Variants in FER1L5 observed in about 807,000 individuals in gnomAD.
FER1L5 encodes fer-1-like protein 5.
A neutral mutation model predicts 279.9 loss-of-function variants in FER1L5; 187 were observed. That is an observed-to-expected ratio of 0.67 (90% confidence interval 0.59 to 0.75). The LOEUF (loss-of-function observed/expected upper bound fraction) is 0.75. Ranked by LOEUF, FER1L5 falls within the 30% of genes least tolerant of loss-of-function variation. The pLI is 0.00. For synonymous variants in FER1L5, 921 were observed against 989.7 expected (o/e 0.93, Z 1.30); for missense variants, 2,091 against 2,594.4 (o/e 0.81, Z 4.21).
At position 96,686,009 on chromosome 2, in the gene FER1L5, C is replaced by T; in HGVS notation, c.1965C>T (p.Arg655=). ...TGGACAGGAAGAGGTGGCAGCTCCGCAGCCTCCTCCTGCAGGAACTGGCCC... is the reference window on the plus strand; with the variant it reads ...TGGACAGGAAGAGGTGGCAGCTCCGTAGCCTCCTCCTGCAGGAACTGGCCC... The part of the protein sequence containing the change: ...TSLDRKRWQL[R]SLLLQELAQK... The change falls in exon 22 of 53, where the codon CGC becomes CGT. Residue 655 remains arginine, a synonymous_variant. Coordinates refer to ENST00000624922, the MANE Select transcript of FER1L5 (RefSeq NM_001293083.2). 1.3e-6 allele frequency: 2 copies of T among 1,551,492 alleles called. No individual in the cohort carries two copies. The highest frequency in any genetic ancestry group is 1.7e-6 in the Non-Finnish European group (2 of 1,146,972).
chr2:96,685,809 G>A (rs1306047901), intron 21 of FER1L5, 131 bp from the exon 22 acceptor site: 2 of 1,187,760 alleles, frequency 1.7e-6, no homozygotes, highest in Non-Finnish European at 2.3e-6. Context: ...AGGGCTCCTG[G>A]GCCAGGCTAG....
chr2:96,674,818 A>C (rs2106598126), intron 19 of FER1L5, among the ~76,000 whole-genome samples: 1 of 152,060 alleles, frequency 6.6e-6, no homozygotes, highest in East Asian at 1.9e-4. Context: ...TTAACCAAAA[A>C]CTAAAAAAAA....
Position 96,698,740 on chromosome 2 carries a change from TGG to T in FER1L5, c.4427_4428del (p.Trp1476SerfsTer32). The T allele has an allele frequency of 6.3e-7, 1 of 1,577,496 alleles. No individual in the cohort carries two copies. ...APKPPLQFLV[W>X]PEREDFPQPC... ...AAAGCCCCCGCTGCAGTTCTTGGTT[TGG>T]CCAGAGAGAGAGGACTTCCCCCAGC... On this transcript the variant is annotated frameshift_variant, in exon 41 of 53. Coordinates refer to ENST00000624922, the MANE Select transcript of FER1L5 (RefSeq NM_001293083.2). LOFTEE classifies it high-confidence loss of function. This position sits in a 1 kb window ranked among gnomAD's most constrained non-coding sequence, Gnocchi z 5.5.
intron 31 of FER1L5, among the ~76,000 whole-genome samples, chr2:96,692,832 A>T (rs753742840): frequency 8.5e-5 from 13 of 152,078 alleles, no homozygotes; most frequent in Non-Finnish European, 1.5e-5. Flanking sequence ...ACCCACATCG[A>T]GAGGCCCATG....
rs1298101351 is a variant in FER1L5 at position 96,691,159 on chromosome 2, G to A, written c.2744-31G>A. ...GGCCTCCCAACCTGCGGGCACCTGA[G>A]GACTCAGAGGCCATGGTCCACCCAC... On this transcript the variant is annotated intron_variant, in intron 27 of 52. Transcript: ENST00000624922. This position sits in a 1 kb window ranked among gnomAD's most constrained non-coding sequence, Gnocchi z 6.0. 1.3e-6 allele frequency: 2 copies of A among 1,527,284 alleles called. No homozygotes were observed. The highest frequency in any genetic ancestry group is 1.2e-5 in the South Asian group (1 of 81,636). The allele number at this position is 1,527,284 out of a possible 1,614,324, so 94.6% of individuals were successfully genotyped here.
rs1573951865 is a variant in FER1L5 at position 96,694,603 on chromosome 2, A to G, written c.3741+139A>G. The stretch of plus-strand genomic sequence containing the variant: ...AAAAGACTACCTGGGAGGTGGAGGG[A>G]GACAGGAGAGAAACGAAGAGGTTCT... On this transcript the variant is annotated intron_variant, in intron 34 of 52. Coordinates refer to ENST00000624922, the MANE Select transcript of FER1L5 (RefSeq NM_001293083.2). This position sits in a 1 kb window ranked among gnomAD's most constrained non-coding sequence, Gnocchi z 4.6. The G allele has an allele frequency of 1.6e-6, 1 of 613,298 alleles. No individual in the cohort carries two copies. Among genetic ancestry groups the G allele is most frequent in the East Asian group, 3.0e-5 (1 of 32,790 alleles). 38.0% of individuals were successfully genotyped at this position (613,298 alleles called of 1,614,324 possible). A position where few individuals can be genotyped will look rare whatever the true frequency, so the allele number is the denominator to read the frequency against.
At chr2:96,669,490 G>C (rs766268381) in intron 17 of FER1L5, among the ~76,000 whole-genome samples, 1 of 152,128 alleles carries the variant, frequency 6.6e-6, no homozygotes, top group Admixed American at 6.5e-5. Flanking sequence ...AACCCGACTC[G>C]AACAGGCTTA....
At chr2:96,643,054 C>T in intron 1 of FER1L5, 133 bp downstream of exon 1, 1 of 705,270 alleles carries the variant, frequency 1.4e-6, no homozygotes. Flanking sequence ...TAGACGTTGT[C>T]CAGCTCTCTC....
chr2:96,698,794 C>T lies in FER1L5; in HGVS notation c.4480C>T (p.Arg1494Ter), dbSNP rs748260595. The change falls in exon 41 of 53, where the codon CGA (arginine) becomes TGA (stop). Residue 1494 changes from arginine to a stop codon, truncating the protein, a stop_gained. Transcript: ENST00000624922. LOFTEE classifies it high-confidence loss of function. This position sits in a 1 kb window ranked among gnomAD's most constrained non-coding sequence, Gnocchi z 5.5. ...GTGCTTGGTGCGGGTGTACATGGTACGAGCCATCAACCTGCAGCCCCAGGA... is the reference window on the plus strand; with the variant it reads ...GTGCTTGGTGCGGGTGTACATGGTATGAGCCATCAACCTGCAGCCCCAGGA... ...QPCLVRVYMVRAINLQPQDYN... is the reference protein window; with the variant it reads ...QPCLVRVYMV The T allele has an allele frequency of 2.6e-6, 4 of 1,565,600 alleles. No homozygotes were observed. The highest frequency in any genetic ancestry group is 1.9e-5 in the Admixed American group (1 of 52,986).
chr2:96,691,423 C>A lies in FER1L5; in HGVS notation c.2908-22C>A. ...GCCTTGGCTGCTGCAGGAACACAAC[C>A]CTGCTCTCCTCCCCACCACAGGGCC... On this transcript the variant is annotated intron_variant, in intron 28 of 52. Coordinates refer to ENST00000624922, the MANE Select transcript of FER1L5 (RefSeq NM_001293083.2). This position sits in a 1 kb window ranked among gnomAD's most constrained non-coding sequence, Gnocchi z 6.0. The A allele has an allele frequency of 6.5e-7, 1 of 1,535,618 alleles. No homozygotes were observed. The highest frequency in any genetic ancestry group is 1.2e-5 in the South Asian group (1 of 82,426).
rs553967428 is a variant in FER1L5, at chr2:96,702,885, T to C, written c.5398-93T>C. 1 of 1,531,080 alleles carries C rather than the reference T, an allele frequency of 6.5e-7. No individual in the cohort carries two copies. Among genetic ancestry groups the C allele is most frequent in the South Asian group, 1.2e-5 (1 of 83,648 alleles). 94.8% of individuals were successfully genotyped at this position (1,531,080 alleles called of 1,614,324 possible). Reference sequence around the variant, plus strand: ...CTCAGGTGGAAACCCTCTTCCTTGATAGTCTATCACTGCTGGGTGGAGGGC... The same window carrying C: ...CTCAGGTGGAAACCCTCTTCCTTGACAGTCTATCACTGCTGGGTGGAGGGC... On this transcript the variant is annotated intron_variant, in intron 48 of 52. Coordinates refer to ENST00000624922, the MANE Select transcript of FER1L5 (RefSeq NM_001293083.2). This position sits in a 1 kb window ranked among gnomAD's most constrained non-coding sequence, Gnocchi z 4.0.
At chr2:96,696,746 C>CA (rs375363146) in intron 37 of FER1L5, among the ~76,000 whole-genome samples, 19 of 151,134 alleles carry the variant, frequency 1.3e-4, no homozygotes, top group East Asian at 3.9e-4. Flanking sequence ...ACTAAAAATA[C>CA]AAAAAAAAAT....
Position 96,659,358 on chromosome 2 carries a change from C to CTTTCT in FER1L5, c.748-981_748-980insTCTTT, listed in dbSNP as rs1558853573. ...CCTTCCTTCCTTCCTTCCTTCCTTC[C>CTTTCT]TTCCTTCTTTCTTTCTTTCTTTCTT... is the stretch of plus-strand genomic sequence containing the variant. On this transcript the variant is annotated intron_variant, in intron 9 of 52. Coordinates refer to ENST00000624922, the MANE Select transcript of FER1L5 (RefSeq NM_001293083.2). Among the ~76,000 whole-genome samples the CTTTCT allele has an allele frequency of 4.9e-5, 3 of 60,606 alleles. No homozygotes were observed. In the East Asian group the frequency reaches 2.2e-3, roughly 45 times the overall value. The allele number at this position is 60,606 out of a possible 152,430, so 39.8% of individuals were successfully genotyped here.
intron 19 of FER1L5, among the ~76,000 whole-genome samples, chr2:96,682,665 G>A (rs1025750566): frequency 6.6e-6 from 1 of 152,214 alleles, no homozygotes; most frequent in Non-Finnish European, 1.5e-5. Context: ...ACACTGCCAA[G>A]CAGGGACCAC....
Position 96,692,036 on chromosome 2 carries a change from G to A in FER1L5, c.3215-68G>A, listed in dbSNP as rs963460101. 1.2e-3 allele frequency: 1,813 copies of A among 1,533,770 alleles called. 1 individual carries two copies. The highest frequency in any genetic ancestry group is 1.5e-3 in the Non-Finnish European group (1,713 of 1,133,054). The stretch of plus-strand genomic sequence containing the variant: ...CCCGAGGGCGGGGGGGGGGGACAGG[G>A]TGGGGGCAGTCAGAGGGAGCCGCTG... On this transcript the variant is annotated intron_variant, in intron 30 of 52. Transcript: ENST00000624922.
chr2:96,668,033 G>A (rs530971332), intron 14 of FER1L5, among the ~76,000 whole-genome samples: 4 of 152,086 alleles, frequency 2.6e-5, no homozygotes, highest in Non-Finnish European at 5.9e-5. Context: ...GCTAATTTTT[G>A]TATTTTTTGT....
chr2:96,663,725 T>C (rs1323518999), intron 14 of FER1L5, among the ~76,000 whole-genome samples: 2 of 152,130 alleles, frequency 1.3e-5, no homozygotes, highest in African/African-American at 4.8e-5. Context: ...ATGTCAATGG[T>C]ATGTATGACT....
chr2:96,693,938 G>A lies in FER1L5; in HGVS notation c.3502G>A (p.Val1168Met), dbSNP rs373744329. 217 of 1,551,312 alleles carry A rather than the reference G, an allele frequency of 1.4e-4. No homozygotes were observed. In the East Asian group the frequency reaches 2.2e-3, roughly 16 times the overall value. The change falls in exon 33 of 53, where the codon GTG becomes ATG. Residue 1168 changes from valine (V) to methionine (M), a missense_variant. Val to Met is a conservative substitution (Grantham distance 21, BLOSUM62 1). Transcript: ENST00000624922. ...CAAGGAGAGCTTGTGGGGACGGAGC[G>A]TGTGGCCCCCAATGGTCTGGCTGGA... Reference protein sequence around the residue: ...WGKESLWGRSVWPPMVWLDLQ... With the variant: ...WGKESLWGRSMWPPMVWLDLQ...
chr2:96,700,297 T>C, intron 44 of FER1L5, 35 bp from the exon 45 acceptor site: 2 of 1,608,948 alleles, frequency 1.2e-6, no homozygotes, highest in Non-Finnish European at 1.7e-6. Context: ...GCTAATGACC[T>C]CGCAATCCCC....
Sources: allele counts gnomAD v4.1 joint callset (sites outside exome capture counted in the v4.1 genomes callset), GRCh38; gene constraint gnomAD v4.1.1; non-coding constraint Gnocchi (gnomAD v3.1); transcripts MANE v1.5; gene names NCBI Gene and HGNC (gene_info 2026-07-23, HGNC 2026-07-21).